PSD3: variants seen among roughly 807,000 people sequenced by gnomAD.
PSD3 encodes the protein pleckstrin and Sec7 domain containing 3.
A neutral mutation model predicts 105.5 loss-of-function variants in PSD3; 49 were observed. That is an observed-to-expected ratio of 0.46 (90% CI 0.37 to 0.59). The LOEUF is 0.59. Among genes scored for constraint, PSD3 ranks in the 20% least tolerant of loss-of-function variants. PSD3 has a pLI of 0.00. For synonymous variants in PSD3, 557 were observed against 457.8 expected, an observed-to-expected ratio of 1.22 and a Z score of -2.77; for missense variants, 1,561 against 1,263.8, an observed-to-expected ratio of 1.24 and a Z score of -3.57.
intron 11 of PSD3, among the ~76,000 whole-genome samples, chr8:18,623,059 A>T (rs549250793): frequency 2.0e-5 from 3 of 152,134 alleles, no homozygotes; most frequent in African/African-American, 7.2e-5. Flanking sequence ...CATTCAAAAA[A>T]TCTTTTTGTA....
At chr8:18,718,168 T>C (rs1241165667) in intron 9 of PSD3, among the ~76,000 whole-genome samples, 2 of 152,240 alleles carry the variant, frequency 1.3e-5, no homozygotes. Context: ...CCTGTCGCCA[T>C]TTCCTAAAAC....
chr8:18,906,781 C>T (rs1174190495), intron 2 of PSD3, among the ~76,000 whole-genome samples: 5 of 152,088 alleles, frequency 3.3e-5, no homozygotes, highest in African/African-American at 1.2e-4. Flanking sequence ...CATATAAGAA[C>T]ATTTCAGTCA....
chr8:19,042,391 C>T (rs1412645104), intron 1 of PSD3, among the ~76,000 whole-genome samples: 3 of 152,034 alleles, frequency 2.0e-5, no homozygotes, highest in East Asian at 1.9e-4. Flanking sequence ...CTCAGGCACA[C>T]GTTTCAAACC....
intron 9 of PSD3, among the ~76,000 whole-genome samples, chr8:18,709,027 T>C (rs1234356079): frequency 1.3e-5 from 2 of 152,146 alleles, no homozygotes; most frequent in East Asian, 3.9e-4. Flanking sequence ...TTGGGTCCCA[T>C]GCACAGAGCT....
At position 18,558,473 on chromosome 8, in the gene PSD3, C is replaced by T. The variant is rs1365203687; in HGVS notation, c.2785-2121G>A. ...TGGAAACTCCCTACACATGTACGTG[C>T]TCATCTCATTCCTTTTCAGTGTTAT... is the stretch of plus-strand genomic sequence containing the variant. On this transcript the variant is annotated intron_variant, in intron 14 of 15. Transcript: ENST00000327040. 5.3e-5 allele frequency among the ~76,000 whole-genome samples: 8 copies of T among 152,218 alleles called. No individual in the cohort carries two copies. In the East Asian group the frequency reaches 9.6e-4, roughly 18 times the overall value.
At chr8:18,700,471 G>C (rs1801514039) in intron 9 of PSD3, among the ~76,000 whole-genome samples, 1 of 152,160 alleles carries the variant, frequency 6.6e-6, no homozygotes, top group African/African-American at 2.4e-5. Flanking sequence ...CTCGTGAGAG[G>C]CTATCTCCCA....
chr8:18,639,854 C>T (rs1374915564), intron 10 of PSD3, among the ~76,000 whole-genome samples: 1 of 152,104 alleles, frequency 6.6e-6, no homozygotes, highest in Non-Finnish European at 1.5e-5. Flanking sequence ...TGGGAGTGTG[C>T]CCTAGAGAAG....
At chr8:18,798,584 G>A (rs1041759973) in intron 8 of PSD3, among the ~76,000 whole-genome samples, 1 of 151,746 alleles carries the variant, frequency 6.6e-6, no homozygotes, top group South Asian at 2.1e-4. Flanking sequence ...GCAAATCAAG[G>A]GATAATATAC....
intron 9 of PSD3, among the ~76,000 whole-genome samples, chr8:18,693,043 A>G (rs1801058611): frequency 6.6e-6 from 1 of 152,216 alleles, no homozygotes; most frequent in Non-Finnish European, 1.5e-5. Context: ...AGACGCTGAC[A>G]TATGTGAAGG....
At chr8:18,928,884 G>T (rs1424351648) in intron 2 of PSD3, among the ~76,000 whole-genome samples, 1 of 150,066 alleles carries the variant, frequency 6.7e-6, no homozygotes, top group Non-Finnish European at 1.5e-5. Context: ...GTCTCACTAT[G>T]TTGCCCAGAC....
chr8:18,775,750 C>G (rs1473588053), intron 8 of PSD3, among the ~76,000 whole-genome samples: 1 of 152,128 alleles, frequency 6.6e-6, no homozygotes, highest in African/African-American at 2.4e-5. Context: ...ATGGATAGCT[C>G]AAAAATATCT....
intron 9 of PSD3, among the ~76,000 whole-genome samples, chr8:18,671,923 G>A (rs541088976): frequency 2.0e-5 from 3 of 152,114 alleles, no homozygotes; most frequent in African/African-American, 4.8e-5. Flanking sequence ...GAGCCACTGC[G>A]CCGGGCCTGA....
At chr8:18,723,187 G>A (rs1260473325) in intron 9 of PSD3, among the ~76,000 whole-genome samples, 1 of 152,124 alleles carries the variant, frequency 6.6e-6, no homozygotes, top group Non-Finnish European at 1.5e-5. Context: ...GAACCCAGGA[G>A]CACATGAAGG....
At chr8:18,744,234 T>A (rs2129435521) in intron 9 of PSD3, among the ~76,000 whole-genome samples, 1 of 152,344 alleles carries the variant, frequency 6.6e-6, no homozygotes, top group African/African-American at 2.4e-5. Context: ...CATTTAAACC[T>A]CATTCCTGGT....
intron 1 of PSD3, among the ~76,000 whole-genome samples, chr8:19,027,739 G>A (rs1358356751): frequency 6.6e-6 from 1 of 152,120 alleles, no homozygotes; most frequent in Non-Finnish European, 1.5e-5. Flanking sequence ...ATAGCATAAT[G>A]CTTTTGAGAT....
In PSD3 at chr8:18,530,135, A is replaced by G. The variant is rs1017917531; in HGVS notation, c.*5608T>C. On this transcript the variant is annotated 3_prime_UTR_variant, in exon 16 of 16. Transcript: ENST00000327040. ...CAAAAGACACTGCACTCAGCCACTC[A>G]CTCAAACACACTCAGTCACTGCTTT... is the stretch of plus-strand genomic sequence containing the variant. 2 of 152,504 alleles carry G rather than the reference A, an allele frequency of 1.3e-5. No individual in the cohort carries two copies. The highest frequency in any genetic ancestry group is 4.8e-5 in the African/African-American group (2 of 41,396). 9.4% of individuals were successfully genotyped at this position (152,504 alleles called of 1,614,324 possible).
At chr8:18,959,750 A>G (rs1823797255) in intron 1 of PSD3, among the ~76,000 whole-genome samples, 1 of 152,168 alleles carries the variant, frequency 6.6e-6, no homozygotes, top group African/African-American at 2.4e-5. Flanking sequence ...TGGCACAGCT[A>G]GACAAACTCA....
intron 12 of PSD3, among the ~76,000 whole-genome samples, chr8:18,587,399 A>G (rs1803275636): frequency 1.4e-5 from 2 of 146,530 alleles, no homozygotes; most frequent in African/African-American, 5.0e-5. Context: ...AATTTTCGTG[A>G]TACCTTCATC....
chr8:18,717,383 T>C (rs1802668688), intron 9 of PSD3, among the ~76,000 whole-genome samples: 1 of 152,230 alleles, frequency 6.6e-6, no homozygotes, highest in Non-Finnish European at 1.5e-5. Flanking sequence ...ATGCCTAGTT[T>C]AGCAACTATT....
Sources: allele counts gnomAD v4.1 joint callset (sites outside exome capture counted in the v4.1 genomes callset), GRCh38; gene constraint gnomAD v4.1.1; transcripts MANE v1.5; gene names NCBI Gene and HGNC (gene_info 2026-07-23, HGNC 2026-07-21).